The following ASXL2 variants were observed in gnomAD, a reference collection of about 807,000 sequenced individuals.
The protein encoded by ASXL2 is ASXL transcriptional regulator 2, also known as putative Polycomb group protein ASXL2.
In ASXL2, 23 loss-of-function variants were observed where a neutral mutation model predicts 122.0. That is an observed-to-expected ratio of 0.19 (90% CI 0.14 to 0.27). The LOEUF (loss-of-function observed/expected upper bound fraction) is 0.27. ASXL2 is among the 10% of genes least tolerant of loss of function. The pLI is 1.00. For synonymous variants in ASXL2, 650 were observed against 637.0 expected, an observed-to-expected ratio of 1.02 and a Z score of -0.31; for missense variants, 1,518 against 1,713.8, an observed-to-expected ratio of 0.89 and a Z score of 2.02.
intron 3 of ASXL2, among the ~76,000 whole-genome samples, chr2:25,817,302 A>C (rs2089250381): frequency 6.6e-6 from 1 of 152,216 alleles, no homozygotes; most frequent in Non-Finnish European, 1.5e-5. Flanking sequence ...TAAGAAACGT[A>C]AATGTTTTCT....
chr2:25,855,349 C>G (rs1377143917), intron 1 of ASXL2, among the ~76,000 whole-genome samples: 1 of 152,054 alleles, frequency 6.6e-6, no homozygotes, highest in African/African-American at 2.4e-5. Flanking sequence ...AGTTAGAGAC[C>G]AGCCTGGGAA....
At chr2:25,759,369 T>C in intron 9 of ASXL2, 113 bp downstream of exon 9, 1 of 1,174,018 alleles carries the variant, frequency 8.5e-7, no homozygotes, top group East Asian at 2.4e-5. Flanking sequence ...AAAACCTGCC[T>C]ATTAAGAAAC....
intron 7 of ASXL2, among the ~76,000 whole-genome samples, chr2:25,768,464 C>T (rs757242611): frequency 3.3e-5 from 5 of 152,208 alleles, no homozygotes; most frequent in African/African-American, 4.8e-5. Flanking sequence ...CCACCACACC[C>T]GGCTAATTTT....
At chr2:25,803,447 T>G (rs560068055) in intron 4 of ASXL2, among the ~76,000 whole-genome samples, 22 of 152,288 alleles carry the variant, frequency 1.4e-4, no homozygotes, top group African/African-American at 5.1e-4. Flanking sequence ...CTTGCGACAG[T>G]TGGCATCTGA....
intron 5 of ASXL2, among the ~76,000 whole-genome samples, chr2:25,791,211 G>A (rs918591459): frequency 5.3e-5 from 8 of 151,918 alleles, no homozygotes; most frequent in African/African-American, 1.2e-4. Context: ...TTGTGAGGCC[G>A]GGCGTGGAGG....
chr2:25,831,171 T>C (rs184440905), intron 3 of ASXL2, among the ~76,000 whole-genome samples: 366 of 152,086 alleles, frequency 2.4e-3, no homozygotes, highest in Admixed American at 5.4e-3. Context: ...TTAGCTGGCT[T>C]GGTGGCACAC....
chr2:25,771,399 C>A (rs777909016), intron 6 of ASXL2, 41 bp downstream of exon 6: 41 of 1,551,266 alleles, frequency 2.6e-5, no homozygotes, highest in Non-Finnish European at 3.3e-5. Flanking sequence ...GTTTTAAATA[C>A]AGGAAATTCT....
In ASXL2 at chr2:25,743,492, T is replaced by G. The variant is rs1392622520; in HGVS notation, c.2845A>C (p.Asn949His). The G allele has an allele frequency of 1.2e-6, 2 of 1,613,860 alleles. No individual in the cohort carries two copies. The highest frequency in any genetic ancestry group is 2.2e-5 in the South Asian group (2 of 91,084). Residue 949 changes from asparagine to histidine, a missense_variant, in exon 13 of 13, where the codon AAT becomes CAT. By Grantham distance (68) the Asn-to-His change is moderately conservative. Coordinates refer to ENST00000435504, the MANE Select transcript of ASXL2 (RefSeq NM_018263.6). ...TLRPTSSIPA[N>H]NPLVTQLLQG... ...AGCAGCTGAGTCACTAAAGGATTAT[T>G]AGCAGGGATACTAGAGGTTGGTCTT...
Position 25,878,345 on chromosome 2 carries a change from C to T in ASXL2, c.-123G>A. Reference sequence around the variant, plus strand: ...AGGTGGGAGAAAAGGGAAGTCAGACCGGGGGGGCACCCAAGCAGAGGAAGC... The same window carrying T: ...AGGTGGGAGAAAAGGGAAGTCAGACTGGGGGGGCACCCAAGCAGAGGAAGC... On this transcript the variant is annotated 5_prime_UTR_variant, in exon 1 of 13. Transcript: ENST00000435504. The T allele has an allele frequency of 1.1e-6, 1 of 874,488 alleles. No homozygotes were observed. The highest frequency in any genetic ancestry group is 1.7e-6 in the Non-Finnish European group (1 of 574,862). The allele number at this position is 874,488 out of a possible 1,614,324, so 54.2% of individuals were successfully genotyped here.
rs373368880 is a variant in ASXL2 at position 25,865,493 on chromosome 2, CG to C, written c.57+12672del. ...TTTTTAAATCCAAATATAGGCTGGG[CG>C]TGGTGGCTCACGCCTGTAATCCCAG... On this transcript the variant is annotated intron_variant, in intron 1 of 12. Transcript: ENST00000435504. Among the ~76,000 whole-genome samples the C allele has an allele frequency of 3.3e-3, 499 of 150,830 alleles. 2 individuals carry two copies. Among genetic ancestry groups the C allele is most frequent in the South Asian group, 0.011 (53 of 4,790 alleles).
At chr2:25,793,891 A>T (rs760494659) in intron 5 of ASXL2, among the ~76,000 whole-genome samples, 1 of 152,180 alleles carries the variant, frequency 6.6e-6, no homozygotes, top group Non-Finnish European at 1.5e-5. Flanking sequence ...TAGTCTAACT[A>T]TCCAAAGCCC....
rs1406363938 is a variant in ASXL2 at position 25,734,210 on chromosome 2, TTTA to T, written c.*7816_*7818del. The stretch of plus-strand genomic sequence containing the variant: ...TGAGAACTTGCTCTTTAATCAGTAC[TTTA>T]TTATTAGAGAATAAATTAAGATGTT... On this transcript the variant is annotated 3_prime_UTR_variant, in exon 13 of 13. Coordinates refer to ENST00000435504, the MANE Select transcript of ASXL2 (RefSeq NM_018263.6). 1 of 152,210 alleles carries T rather than the reference TTTA, an allele frequency of 6.6e-6. No homozygotes were observed. 9.4% of individuals were successfully genotyped at this position (152,210 alleles called of 1,614,324 possible). A position where few individuals can be genotyped will look rare whatever the true frequency, so the allele number is the denominator to read the frequency against.
chr2:25,863,375 G>A (rs1410823160), intron 1 of ASXL2, among the ~76,000 whole-genome samples: 4 of 148,978 alleles, frequency 2.7e-5, no homozygotes, highest in Non-Finnish European at 4.4e-5. Context: ...TAACTTATCC[G>A]GACATGAGTT....
chr2:25,753,226 A>G (rs923792989), intron 11 of ASXL2, among the ~76,000 whole-genome samples: 4 of 134,740 alleles, frequency 3.0e-5, no homozygotes, highest in African/African-American at 1.2e-4. Flanking sequence ...CGGCCTCCCA[A>G]AGTGCTGGGG....
At chr2:25,845,765 C>T (rs536768112) in intron 1 of ASXL2, among the ~76,000 whole-genome samples, 3 of 152,232 alleles carry the variant, frequency 2.0e-5, no homozygotes, top group African/African-American at 7.2e-5. Context: ...TTAAGATTAT[C>T]CATTTCCTGG....
At chr2:25,834,163 G>A (rs1574439771) in intron 3 of ASXL2, among the ~76,000 whole-genome samples, 1 of 152,084 alleles carries the variant, frequency 6.6e-6, no homozygotes, top group Non-Finnish European at 1.5e-5. Context: ...GACCAGCCTG[G>A]CCAGCATGGT....
intron 1 of ASXL2, among the ~76,000 whole-genome samples, chr2:25,849,144 AG>A (rs2089687996): frequency 7.0e-6 from 1 of 143,728 alleles, no homozygotes; most frequent in African/African-American, 2.6e-5. Context: ...ATTTAGAATT[AG>A]TTTTTTTTTA....
intron 12 of ASXL2, among the ~76,000 whole-genome samples, chr2:25,747,066 C>T (rs1007549259): frequency 6.6e-6 from 1 of 152,158 alleles, no homozygotes; most frequent in African/African-American, 2.4e-5. Context: ...TAACACCTAA[C>T]ATAATGTAAA....
chr2:25,852,361 CT>C (rs1428932799), intron 1 of ASXL2, among the ~76,000 whole-genome samples: 1 of 152,164 alleles, frequency 6.6e-6, no homozygotes, highest in Non-Finnish European at 1.5e-5. Context: ...ACTGAGTTGC[CT>C]CTAAGATTCA....
Sources: allele counts gnomAD v4.1 joint callset (sites outside exome capture counted in the v4.1 genomes callset), GRCh38; gene constraint gnomAD v4.1.1; transcripts MANE v1.5; gene names NCBI Gene and HGNC (gene_info 2026-07-23, HGNC 2026-07-21).